SLC35F3: variants seen among roughly 807,000 people sequenced by gnomAD.
SLC35F3 encodes putative thiamine transporter SLC35F3.
SLC35F3 carries 25 observed loss-of-function variants against 49.9 expected under a neutral mutation model. The ratio of observed to expected loss-of-function variants is 0.50; its 90% CI spans 0.37 to 0.70. The LOEUF is 0.70. SLC35F3 is among the 30% of genes least tolerant of loss of function. The probability of loss-of-function intolerance (pLI) is 0.00; values close to 1 mark genes in which losing one functional copy is unlikely to be tolerated. For missense variants in SLC35F3, 525 were observed against 639.8 expected (o/e 0.82, Z 1.94); for synonymous variants, 275 against 265.4 (o/e 1.04, Z -0.35).
chr1:233,992,026 A>G (rs188553194), intron 2 of SLC35F3, among the ~76,000 whole-genome samples: 1 of 152,294 alleles, frequency 6.6e-6, no homozygotes, highest in East Asian at 1.9e-4. Flanking sequence ...CATTGTGGCG[A>G]GTAAATGCAG....
At chr1:234,147,070 C>T (rs1221603869) in intron 2 of SLC35F3, among the ~76,000 whole-genome samples, 1 of 152,056 alleles carries the variant, frequency 6.6e-6, no homozygotes, top group Non-Finnish European at 1.5e-5. Context: ...CATTCTAGTT[C>T]CTTGGTGAGT....
intron 2 of SLC35F3, among the ~76,000 whole-genome samples, chr1:234,169,168 T>TC (rs1666361614): frequency 6.6e-6 from 1 of 152,224 alleles, no homozygotes; most frequent in East Asian, 1.9e-4. Context: ...GCCCTTTTCT[T>TC]CTATTCCAGC....
At chr1:234,040,414 G>A (rs1026973863) in intron 2 of SLC35F3, among the ~76,000 whole-genome samples, 50 of 152,154 alleles carry the variant, frequency 3.3e-4, no homozygotes, top group African/African-American at 6.3e-4. Context: ...AGAAGTTCTC[G>A]CTTTGGGTCA....
chr1:234,007,084 G>A (rs1039881931), intron 2 of SLC35F3, among the ~76,000 whole-genome samples: 20 of 152,052 alleles, frequency 1.3e-4, no homozygotes, highest in Admixed American at 1.3e-4. Context: ...TTGTGTTCCC[G>A]TAAAACTTAA....
At chr1:234,172,238 CTATT>C (rs1213238188) in intron 2 of SLC35F3, among the ~76,000 whole-genome samples, 1 of 152,240 alleles carries the variant, frequency 6.6e-6, no homozygotes, top group Non-Finnish European at 1.5e-5. Context: ...TATTTTTTAA[CTATT>C]TATTTATTTA....
At chr1:233,921,217 A>G (rs1219280861) in intron 2 of SLC35F3, among the ~76,000 whole-genome samples, 1 of 152,240 alleles carries the variant, frequency 6.6e-6, no homozygotes, top group Non-Finnish European at 1.5e-5. Flanking sequence ...ACACTATGTA[A>G]TTTTTTAATA....
intron 3 of SLC35F3, among the ~76,000 whole-genome samples, chr1:234,276,424 G>T (rs1339116712): frequency 6.6e-6 from 1 of 152,136 alleles, no homozygotes; most frequent in Non-Finnish European, 1.5e-5. Flanking sequence ...AGGCAGTGCT[G>T]GGCAGCTCAG....
chr1:233,992,459 G>A (rs1663370991), intron 2 of SLC35F3, among the ~76,000 whole-genome samples: 1 of 152,166 alleles, frequency 6.6e-6, no homozygotes, highest in South Asian at 2.1e-4. Context: ...CACATGTCAA[G>A]GGTGGAAATA....
intron 2 of SLC35F3, among the ~76,000 whole-genome samples, chr1:234,127,062 C>T (rs928222191): frequency 6.6e-6 from 1 of 152,188 alleles, no homozygotes; most frequent in Non-Finnish European, 1.5e-5. Flanking sequence ...ACTTTCTAGG[C>T]TTGGCTTTCT....
chr1:234,108,488 ATATATATTATT>A (rs1665329876), intron 2 of SLC35F3, among the ~76,000 whole-genome samples: 1 of 116,320 alleles, frequency 8.6e-6, no homozygotes, highest in East Asian at 2.4e-4. Flanking sequence ...TATATAAAAG[ATATATATTATT>A]TATATATATA....
intron 2 of SLC35F3, among the ~76,000 whole-genome samples, chr1:234,089,633 G>A (rs1390867451): frequency 6.6e-6 from 1 of 152,102 alleles, no homozygotes; most frequent in African/African-American, 2.4e-5. Flanking sequence ...TGTACCCCGG[G>A]GTGGTCACAT....
chr1:234,292,050 C>T (rs1668517805), intron 3 of SLC35F3, among the ~76,000 whole-genome samples: 1 of 152,184 alleles, frequency 6.6e-6, no homozygotes, highest in Non-Finnish European at 1.5e-5. Flanking sequence ...GGTTGCAGGA[C>T]TGGTGGTAGC....
chr1:234,225,316 T>A (rs943871690), intron 2 of SLC35F3, among the ~76,000 whole-genome samples: 1 of 150,942 alleles, frequency 6.6e-6, no homozygotes, highest in Admixed American at 6.6e-5. Flanking sequence ...CAAATGGCCA[T>A]AAACAAAAGC....
At chr1:234,196,061 G>A (rs1337373654) in intron 2 of SLC35F3, among the ~76,000 whole-genome samples, 1 of 152,124 alleles carries the variant, frequency 6.6e-6, no homozygotes, top group Non-Finnish European at 1.5e-5. Context: ...TACAAGGTGG[G>A]ACTGGACTCC....
intron 2 of SLC35F3, among the ~76,000 whole-genome samples, chr1:234,025,342 G>A (rs1481219701): frequency 6.6e-6 from 1 of 152,192 alleles, no homozygotes; most frequent in Non-Finnish European, 1.5e-5. Context: ...CCCAGTAATG[G>A]GATTGCTGGG....
intron 2 of SLC35F3, among the ~76,000 whole-genome samples, chr1:234,108,394 T>C (rs1323871185): frequency 8.3e-5 from 8 of 96,654 alleles, no homozygotes; most frequent in African/African-American, 2.8e-4. Context: ...ATAAAAGATA[T>C]ATATTTATAT....
chr1:233,948,286 C>T lies in SLC35F3; in HGVS notation c.283+42528C>T, dbSNP rs554146309. Among the ~76,000 whole-genome samples, 476 of 148,002 alleles carry T rather than the reference C, an allele frequency of 3.2e-3. 3 individuals are homozygous for T. The highest frequency in any genetic ancestry group is 0.012 in the African/African-American group (464 of 40,178). On this transcript the variant is annotated intron_variant, in intron 2 of 7. Transcript: ENST00000366618. Reference sequence around the variant, plus strand: ...GTGAATGTGTAGCAAGATGATTTATCCTCAAGGCTGAGAGCCAAAAAAAGA... The same window carrying T: ...GTGAATGTGTAGCAAGATGATTTATTCTCAAGGCTGAGAGCCAAAAAAAGA...
intron 3 of SLC35F3, among the ~76,000 whole-genome samples, chr1:234,246,912 G>T (rs1667639734): frequency 6.6e-6 from 1 of 152,204 alleles, no homozygotes. Context: ...TGTCGGTCGG[G>T]GGTAAGGCCA....
At chr1:234,160,775 C>T (rs562022670) in intron 2 of SLC35F3, among the ~76,000 whole-genome samples, 7 of 152,148 alleles carry the variant, frequency 4.6e-5, no homozygotes, top group South Asian at 2.1e-4. Context: ...CTATGGCTTT[C>T]GCTGCAGCTG....
Sources: allele counts gnomAD v4.1 joint callset (sites outside exome capture counted in the v4.1 genomes callset), GRCh38; gene constraint gnomAD v4.1.1; transcripts MANE v1.5; gene names NCBI Gene and HGNC (gene_info 2026-07-23, HGNC 2026-07-21).